CD99: variants seen among roughly 807,000 people sequenced by gnomAD.
CD99 encodes CD99 antigen.
Under a neutral mutation model 28.4 loss-of-function variants are expected in CD99, and 19 were observed. The ratio of observed to expected loss-of-function variants is 0.67; its 90% CI spans 0.47 to 0.98. The LOEUF (loss-of-function observed/expected upper bound fraction) is 0.98, where lower values mean the gene tolerates loss of function less well. Ranked by LOEUF, CD99 falls within the 50% of genes least tolerant of loss-of-function variation. The probability of loss-of-function intolerance (pLI) is 0.00; values close to 1 mark genes in which losing one functional copy is unlikely to be tolerated. For synonymous variants in CD99, 103 were observed against 92.1 expected (o/e 1.12, Z -0.67); for missense variants, 283 against 248.8 (o/e 1.14, Z -0.92).
chrX:2,720,523 A>C (rs2048941715), intron 5 of CD99, 99 bp downstream of exon 5: 1 of 1,083,484 alleles, frequency 9.2e-7, no homozygotes. Context: ...GTGTGTGCTT[A>C]CTGTTGACTG....
At chrX:2,704,614 G>C (rs1295455311) in intron 1 of CD99, among the ~76,000 whole-genome samples, 1 of 151,706 alleles carries the variant, frequency 6.6e-6, no homozygotes, top group Non-Finnish European at 1.5e-5. Context: ...AGCAGAGATG[G>C]GGTTTTGCCT....
At chrX:2,698,744 C>T (rs149717797) in intron 1 of CD99, among the ~76,000 whole-genome samples, 1,683 of 152,212 alleles carry the variant, frequency 0.011, 37 homozygotes, top group African/African-American at 0.039. Context: ...TGATGCCCAT[C>T]CCTCCTGCAT....
At chrX:2,732,915 T>G (rs1487280854) in intron 8 of CD99, among the ~76,000 whole-genome samples, 1 of 148,384 alleles carries the variant, frequency 6.7e-6, no homozygotes, top group Admixed American at 6.7e-5. Flanking sequence ...CTTTCCTTCC[T>G]TCCTTCCCTT....
chrX:2,723,141 G>A (rs1050330663), intron 6 of CD99, 173 bp from the exon 7 acceptor site: 54 of 166,408 alleles, frequency 3.2e-4, no homozygotes, highest in Non-Finnish European at 5.1e-4. Context: ...CAGCTCTGTA[G>A]CTGTGTAACA....
intron 3 of CD99, among the ~76,000 whole-genome samples, chrX:2,718,645 G>A (rs2048855367): frequency 6.6e-6 from 1 of 151,946 alleles, no homozygotes; most frequent in South Asian, 2.1e-4. Context: ...CTGGGATTAC[G>A]GGCATGAGCC....
chrX:2,739,026 T>TG (rs2050079881), intron 9 of CD99, among the ~76,000 whole-genome samples: 1 of 150,782 alleles, frequency 6.6e-6, no homozygotes, highest in Non-Finnish European at 1.5e-5. Flanking sequence ...TTGTTGTTGT[T>TG]TTTTTTTTAT....
Position 2,711,915 on chromosome X carries a change from G to A in CD99, c.68-2507G>A, listed in dbSNP as rs181585704. ...AATTAGCTGGGCATGATGGGCGGGC[G>A]CCTATAGTCCCAGCTACTCAGGAGG... On this transcript the variant is annotated intron_variant, in intron 1 of 9. Transcript: ENST00000381192. 5.2e-3 allele frequency among the ~76,000 whole-genome samples: 785 copies of A among 152,092 alleles called. 5 individuals carry two copies. Among genetic ancestry groups the A allele is most frequent in the African/African-American group, 0.018 (737 of 41,494 alleles).
chrX:2,719,828 A>G (rs778445298), intron 4 of CD99, 123 bp downstream of exon 4: 1 of 1,009,714 alleles, frequency 9.9e-7, no homozygotes, highest in East Asian at 2.4e-5. Context: ...GTGGAAACCT[A>G]GGGAATAGGT....
intron 1 of CD99, 145 bp downstream of exon 1, chrX:2,691,572 G>T: frequency 1.1e-6 from 1 of 905,002 alleles, no homozygotes; most frequent in Non-Finnish European, 1.8e-6. Context: ...TGCCCACGGG[G>T]GCCCAGGCCC....
At chrX:2,732,606 T>TCCTC (rs1052569984) in intron 8 of CD99, among the ~76,000 whole-genome samples, 1 of 149,896 alleles carries the variant, frequency 6.7e-6, no homozygotes, top group African/African-American at 2.4e-5. Flanking sequence ...CCCTCTTTCT[T>TCCTC]CCTCCCTCCC....
chrX:2,706,808 A>T (rs1019529387), intron 1 of CD99, among the ~76,000 whole-genome samples: 1 of 151,666 alleles, frequency 6.6e-6, no homozygotes, highest in African/African-American at 2.4e-5. Flanking sequence ...GAACTGCCTA[A>T]TTTTTTTTAA....
chrX:2,725,464 A>G (rs960371845), intron 7 of CD99, among the ~76,000 whole-genome samples: 12 of 152,216 alleles, frequency 7.9e-5, no homozygotes, highest in Non-Finnish European at 1.3e-4. Flanking sequence ...ATTGAAACCC[A>G]AAGCTATCTT....
intron 1 of CD99, among the ~76,000 whole-genome samples, chrX:2,703,450 C>T (rs192275097): frequency 1.1e-3 from 166 of 152,186 alleles, no homozygotes; most frequent in African/African-American, 3.8e-3. Flanking sequence ...ACATAAAACG[C>T]GCTTAGGTAG....
intron 9 of CD99, among the ~76,000 whole-genome samples, chrX:2,740,379 A>G (rs1292469179): frequency 6.6e-6 from 1 of 152,202 alleles, no homozygotes; most frequent in Non-Finnish European, 1.5e-5. Flanking sequence ...ACTGACATGC[A>G]GAATAAAGTT....
chrX:2,731,764 C>G (rs2049620560), intron 8 of CD99, among the ~76,000 whole-genome samples: 1 of 151,980 alleles, frequency 6.6e-6, no homozygotes, highest in South Asian at 2.1e-4. Context: ...CGGCATCTTT[C>G]CAACAAGGAG....
chrX:2,699,833 GAT>G (rs1276933262), intron 1 of CD99, among the ~76,000 whole-genome samples: 1 of 152,156 alleles, frequency 6.6e-6, no homozygotes, highest in Admixed American at 6.5e-5. Context: ...TATTTTACTA[GAT>G]ATTCTGTTTC....
intron 8 of CD99, among the ~76,000 whole-genome samples, chrX:2,728,368 G>GT (rs2049408551): frequency 6.6e-6 from 1 of 151,712 alleles, no homozygotes; most frequent in African/African-American, 2.4e-5. Flanking sequence ...GCTAATTTTT[G>GT]TTTTTTTAGT....
intron 2 of CD99, among the ~76,000 whole-genome samples, chrX:2,716,716 A>G (rs555314660): frequency 2.0e-5 from 3 of 152,258 alleles, no homozygotes; most frequent in African/African-American, 4.8e-5. Context: ...TTGAGCGGAA[A>G]CAGTGCTGAT....
chrX:2,709,217 T>TCATGCCATGCATATATGCATGCATGCACA (rs1958561331), intron 1 of CD99, among the ~76,000 whole-genome samples: 9 of 151,858 alleles, frequency 5.9e-5, no homozygotes, highest in Non-Finnish European at 1.0e-4. Context: ...GCATGCACAC[T>TCATGCCATGCATATATGCATGCATGCACA]CATGCCATGC....
Sources: gnomAD v4.1 joint callset for allele counts (sites outside exome capture counted in the v4.1 genomes callset) on GRCh38, gnomAD v4.1.1 for gene constraint, MANE v1.5 for transcripts, NCBI Gene and HGNC (gene_info 2026-07-23, HGNC 2026-07-21) for gene names.